The following KATNAL1 variants were observed in gnomAD, a reference collection of about 807,000 sequenced individuals.
KATNAL1 encodes katanin catalytic subunit A1 like 1.
KATNAL1 carries 32 observed loss-of-function variants against 55.2 expected under a neutral mutation model. That is an observed-to-expected ratio of 0.58 (90% CI 0.44 to 0.78). KATNAL1 has a LOEUF of 0.78. Ranked by LOEUF, KATNAL1 falls within the 30% of genes least tolerant of loss-of-function variation. KATNAL1 has a pLI of 0.00. For synonymous variants in KATNAL1, 193 were observed against 193.6 expected (o/e 1.00, Z 0.02); for missense variants, 466 against 600.9 (o/e 0.78, Z 2.35).
intron 2 of KATNAL1, among the ~76,000 whole-genome samples, chr13:30,283,175 G>GAGA (rs748841726): frequency 4.7e-4 from 67 of 141,056 alleles, no homozygotes; most frequent in Non-Finnish European, 9.5e-4. Context: ...GGCTGAGGAG[G>GAGA]AGAACTGCTT....
At chr13:30,249,204 C>G (rs1327425869) in intron 4 of KATNAL1, among the ~76,000 whole-genome samples, 1 of 151,952 alleles carries the variant, frequency 6.6e-6, no homozygotes, top group Admixed American at 6.6e-5. Flanking sequence ...TGAACTCCAA[C>G]CTAGGCGACA....
rs555814601 is a variant in KATNAL1 at position 30,203,042 on chromosome 13, A to G, written c.*5498T>C. 6.6e-6 allele frequency: 1 copy of G among 152,330 alleles called. No homozygotes were observed. The highest frequency in any genetic ancestry group is 1.5e-5 in the Non-Finnish European group (1 of 68,028). The allele number at this position is 152,330 out of a possible 1,614,324, so 9.4% of individuals were successfully genotyped here. On this transcript the variant is annotated 3_prime_UTR_variant, in exon 11 of 11. Coordinates refer to ENST00000380615, the MANE Select transcript of KATNAL1 (RefSeq NM_032116.5). ...AACATAGGAACATGTAGGATCCACA[A>G]TTTTTAATGTCATCAGGTTAGTTTG... is the stretch of plus-strand genomic sequence containing the variant.
At chr13:30,298,580 G>C (rs1882670983) in intron 1 of KATNAL1, among the ~76,000 whole-genome samples, 1 of 152,072 alleles carries the variant, frequency 6.6e-6, no homozygotes, top group South Asian at 2.1e-4. Flanking sequence ...GGCCTTTTTA[G>C]CTACTGTAAA....
intron 9 of KATNAL1, among the ~76,000 whole-genome samples, chr13:30,216,782 A>G (rs1480514082): frequency 6.6e-6 from 1 of 152,252 alleles, no homozygotes; most frequent in South Asian, 2.1e-4. Flanking sequence ...TGATGTTAAC[A>G]TAAGAGCATC....
rs1159261874 is a variant in KATNAL1 at position 30,252,746 on chromosome 13, C to CT, written c.492+2700dup. 7.9e-3 allele frequency among the ~76,000 whole-genome samples: 1,139 copies of CT among 143,846 alleles called. 11 individuals are homozygous for CT. Among genetic ancestry groups the CT allele is most frequent in the African/African-American group, 0.023 (917 of 39,446 alleles). The allele number at this position is 143,846 out of a possible 152,430, so 94.4% of individuals were successfully genotyped here. On this transcript the variant is annotated intron_variant, in intron 4 of 10. Transcript: ENST00000380615. ...TTCCAAACAACACTAATTTTCCTTT[C>CT]TTTTTTTTTTTTTTGAGACCAAGTC...
intron 7 of KATNAL1, 25 bp downstream of exon 7, chr13:30,231,289 G>C (rs773676726): frequency 6.3e-7 from 1 of 1,586,594 alleles, no homozygotes; most frequent in Non-Finnish European, 8.6e-7. Flanking sequence ...ACACTACTTT[G>C]AAATCTGAAT....
chr13:30,279,985 A>G, intron 3 of KATNAL1, 78 bp downstream of exon 3: 20 of 1,294,870 alleles, frequency 1.5e-5, no homozygotes, highest in Non-Finnish European at 1.9e-5. Context: ...ATAATTTTTC[A>G]TACTTTGTTC....
intron 4 of KATNAL1, among the ~76,000 whole-genome samples, chr13:30,253,507 CA>C: frequency 6.6e-6 from 1 of 151,342 alleles, no homozygotes; most frequent in Non-Finnish European, 1.5e-5. Context: ...ACTAAAAATA[CA>C]AAAAAAATTA....
chr13:30,230,325 G>C (rs1390334510), intron 8 of KATNAL1, 143 bp downstream of exon 8: 1 of 653,344 alleles, frequency 1.5e-6, no homozygotes, highest in Non-Finnish European at 2.4e-6. Flanking sequence ...AATGCTTTCT[G>C]AGTGCATGAA....
intron 4 of KATNAL1, among the ~76,000 whole-genome samples, chr13:30,255,039 C>T (rs1353478584): frequency 6.6e-6 from 1 of 152,152 alleles, no homozygotes; most frequent in Non-Finnish European, 1.5e-5. Flanking sequence ...ATCAAAGATA[C>T]TTATTTTTGG....
intron 6 of KATNAL1, among the ~76,000 whole-genome samples, chr13:30,238,156 A>G (rs1876879432): frequency 6.6e-6 from 1 of 152,204 alleles, no homozygotes; most frequent in Non-Finnish European, 1.5e-5. Flanking sequence ...ACCTACAGAA[A>G]AAGAATCGAA....
intron 4 of KATNAL1, among the ~76,000 whole-genome samples, chr13:30,241,949 A>C (rs540723552): frequency 6.6e-6 from 1 of 152,346 alleles, no homozygotes; most frequent in East Asian, 1.9e-4. Context: ...GTAGCATTAA[A>C]TTTATTAGTA....
chr13:30,207,331 C>CT lies in KATNAL1; in HGVS notation c.*1208dup, dbSNP rs758651918. On this transcript the variant is annotated 3_prime_UTR_variant, in exon 11 of 11. Coordinates refer to ENST00000380615, the MANE Select transcript of KATNAL1 (RefSeq NM_032116.5). Reference sequence around the variant, plus strand: ...TTGAGTGAGCATGTCAGATTTCTATCTTTATCTTAGTGTGTGTAAAAGTTC... The same window carrying CT: ...TTGAGTGAGCATGTCAGATTTCTATCTTTTATCTTAGTGTGTGTAAAAGTTC... 1.1e-4 allele frequency: 16 copies of CT among 152,148 alleles called. No homozygotes were observed. The highest frequency in any genetic ancestry group is 1.9e-4 in the Non-Finnish European group (13 of 68,016). 9.4% of individuals were successfully genotyped at this position (152,148 alleles called of 1,614,324 possible). A position where few individuals can be genotyped will look rare whatever the true frequency, so the allele number is the denominator to read the frequency against.
chr13:30,303,826 TA>T (rs940898220), intron 1 of KATNAL1, among the ~76,000 whole-genome samples: 5 of 152,290 alleles, frequency 3.3e-5, no homozygotes, highest in East Asian at 1.9e-4. Context: ...AGCTTCATTT[TA>T]AAAAATTGAT....
intron 9 of KATNAL1, among the ~76,000 whole-genome samples, chr13:30,224,182 AAT>A (rs1051310325): frequency 2.4e-4 from 37 of 152,256 alleles, no homozygotes; most frequent in African/African-American, 7.7e-4. Flanking sequence ...GATATAGCAA[AAT>A]TTGTGAGATA....
chr13:30,270,424 C>G (rs1282988686), intron 3 of KATNAL1, among the ~76,000 whole-genome samples: 2 of 152,034 alleles, frequency 1.3e-5, no homozygotes, highest in Non-Finnish European at 2.9e-5. Flanking sequence ...GGAGGTGTAC[C>G]CAACAGCTCA....
intron 3 of KATNAL1, among the ~76,000 whole-genome samples, chr13:30,262,526 G>A (rs1229656357): frequency 4.6e-5 from 7 of 151,908 alleles, no homozygotes; most frequent in African/African-American, 7.3e-5. Flanking sequence ...ATAAAAAATG[G>A]TAAAGGGGAT....
At chr13:30,243,873 G>A (rs1009112735) in intron 4 of KATNAL1, among the ~76,000 whole-genome samples, 5 of 152,052 alleles carry the variant, frequency 3.3e-5, no homozygotes, top group African/African-American at 1.2e-4. Flanking sequence ...TTATTCATCT[G>A]TTGCCTGATT....
chr13:30,231,396 G>GT lies in KATNAL1; in HGVS notation c.802dup (p.Thr268AsnfsTer13). The GT allele has an allele frequency of 6.2e-7, 1 of 1,609,434 alleles. No individual in the cohort carries two copies. The highest frequency in any genetic ancestry group is 8.5e-7 in the Non-Finnish European group (1 of 1,177,780). On this transcript the variant is annotated frameshift_variant, in exon 7 of 11. Coordinates refer to ENST00000380615, the MANE Select transcript of KATNAL1 (RefSeq NM_032116.5). LOFTEE classifies it high-confidence loss of function. ...TGTAGAAGACGAAACGTTGAAGAAT[G>GT]TTGTACCACATTCAGTGGCAACAGC...
Sources: gnomAD v4.1 joint callset for allele counts (sites outside exome capture counted in the v4.1 genomes callset) on GRCh38, gnomAD v4.1.1 for gene constraint, MANE v1.5 for transcripts, NCBI Gene and HGNC (gene_info 2026-07-23, HGNC 2026-07-21) for gene names.